Variants in ANO4 observed in about 807,000 individuals in gnomAD.
The protein encoded by ANO4 is anoctamin 4, also known as anoctamin-4.
Under a neutral mutation model 141.9 loss-of-function variants are expected in ANO4, and 69 were observed. The ratio of observed to expected loss-of-function variants is 0.49; its 90% confidence interval spans 0.40 to 0.59. The LOEUF is 0.59. ANO4 is among the 20% of genes least tolerant of loss of function. The probability of loss-of-function intolerance (pLI) is 0.00; values close to 1 mark genes in which losing one functional copy is unlikely to be tolerated. For synonymous variants in ANO4, 350 were observed against 394.3 expected, an observed-to-expected ratio of 0.89 and a Z score of 1.33; for missense variants, 894 against 1,162.2, an observed-to-expected ratio of 0.77 and a Z score of 3.36.
At chr12:101,065,850 C>A (rs777919425) in intron 14 of ANO4, among the ~76,000 whole-genome samples, 21 of 152,048 alleles carry the variant, frequency 1.4e-4, no homozygotes, top group Non-Finnish European at 2.6e-4. Flanking sequence ...AATATTGAAT[C>A]AAAAATCCTC....
At chr12:100,743,943 C>T (rs1345452179) in intron 3 of ANO4, among the ~76,000 whole-genome samples, 2 of 152,076 alleles carry the variant, frequency 1.3e-5, no homozygotes, top group Non-Finnish European at 2.9e-5. Flanking sequence ...TTTTGATAAC[C>T]AAGATTTGTA....
intron 8 of ANO4, among the ~76,000 whole-genome samples, chr12:100,988,330 G>A (rs1209351027): frequency 2.0e-5 from 3 of 152,038 alleles, no homozygotes; most frequent in Non-Finnish European, 4.4e-5. Context: ...ATGATGGCTG[G>A]ATGCAGGGCA....
At chr12:100,835,463 G>A (rs913931846) in intron 1 of ANO4, among the ~76,000 whole-genome samples, 1 of 152,004 alleles carries the variant, frequency 6.6e-6, no homozygotes, top group Non-Finnish European at 1.5e-5. Context: ...CTCTCTACTC[G>A]GTACTTTTTC....
At chr12:100,829,172 A>G (rs185423369) in intron 1 of ANO4, among the ~76,000 whole-genome samples, 45 of 152,218 alleles carry the variant, frequency 3.0e-4, no homozygotes, top group Admixed American at 1.8e-3. Context: ...ATATGTTATC[A>G]TATAAAGGAG....
At chr12:100,832,498 T>A (rs10860643) in intron 1 of ANO4, among the ~76,000 whole-genome samples, 96,508 of 151,902 alleles carry the variant, frequency 0.64, 31,390 homozygotes, top group African/African-American at 0.77. Flanking sequence ...AACCGATGAC[T>A]TTTGCTAGTT....
chr12:101,002,677 G>A lies in ANO4; in HGVS notation c.734+15007G>A, dbSNP rs191341579. ...CTTTATGAAACATCTTATGTCTCAT[G>A]TCTCATGCAGACAGCATTAGACTTC... is the stretch of plus-strand genomic sequence containing the variant. On this transcript the variant is annotated intron_variant, in intron 8 of 27. Coordinates refer to ENST00000392977, the MANE Select transcript of ANO4 (RefSeq NM_001286615.2). 4.3e-3 allele frequency among the ~76,000 whole-genome samples: 662 copies of A among 152,254 alleles called. 20 individuals carry two copies. The highest frequency in any genetic ancestry group is 0.039 in the Admixed American group (604 of 15,294).
At chr12:100,928,006 A>G (rs966146998) in intron 3 of ANO4, among the ~76,000 whole-genome samples, 4 of 152,052 alleles carry the variant, frequency 2.6e-5, no homozygotes, top group African/African-American at 9.7e-5. Flanking sequence ...CTGTGCCTAC[A>G]TTAGGGGTGG....
intron 1 of ANO4, among the ~76,000 whole-genome samples, chr12:100,723,724 TA>T (rs1486798014): frequency 6.6e-6 from 1 of 152,214 alleles, no homozygotes; most frequent in African/African-American, 2.4e-5. Context: ...GAACCTTTTA[TA>T]AACAATTTAG....
In ANO4 at chr12:101,118,283, C is replaced by T. The variant is rs2050937711; in HGVS notation, c.2570+1485C>T. On this transcript the variant is annotated intron_variant, in intron 25 of 27. Coordinates refer to ENST00000392977, the MANE Select transcript of ANO4 (RefSeq NM_001286615.2). Reference sequence around the variant, plus strand: ...AAGATAAAAATACAGAGTCTTTCTCCTCTTCTGCTTCCTGGCTCATAATTC... The same window carrying T: ...AAGATAAAAATACAGAGTCTTTCTCTTCTTCTGCTTCCTGGCTCATAATTC... Among the ~76,000 whole-genome samples the T allele has an allele frequency of 4.6e-5, 7 of 152,158 alleles. 1 individual carries two copies. The South Asian group carries it at 1.2e-3, about 27-fold the overall frequency.
intron 1 of ANO4, among the ~76,000 whole-genome samples, chr12:100,872,426 A>G (rs747169799): frequency 6.6e-6 from 1 of 152,170 alleles, no homozygotes; most frequent in Admixed American, 6.5e-5. Context: ...ATTCTCATAT[A>G]CCAAGTGTGG....
intron 9 of ANO4, among the ~76,000 whole-genome samples, chr12:101,036,819 A>G (rs1241285675): frequency 3.3e-5 from 5 of 152,236 alleles, no homozygotes; most frequent in Admixed American, 6.5e-5. Flanking sequence ...TGTGGTAATC[A>G]TTACATAATG....
At chr12:101,014,891 G>A (rs2046250188) in intron 8 of ANO4, among the ~76,000 whole-genome samples, 1 of 152,034 alleles carries the variant, frequency 6.6e-6, no homozygotes, top group Non-Finnish European at 1.5e-5. Context: ...CTGGAGTGTT[G>A]TGTTCATAGC....
intron 1 of ANO4, among the ~76,000 whole-genome samples, chr12:100,732,862 T>G (rs1039924453): frequency 2.0e-5 from 3 of 152,230 alleles, no homozygotes; most frequent in Non-Finnish European, 4.4e-5. Flanking sequence ...GTGAAAATGC[T>G]GATATGCAAT....
chr12:101,099,881 A>G (rs1413948733), intron 22 of ANO4, among the ~76,000 whole-genome samples, 161 bp downstream of exon 22: 2 of 152,184 alleles, frequency 1.3e-5, no homozygotes, highest in African/African-American at 2.4e-5. Flanking sequence ...CTACACTTAC[A>G]TTTAAGGAAT....
intron 8 of ANO4, among the ~76,000 whole-genome samples, chr12:101,002,982 C>T (rs979445882): frequency 7.2e-5 from 11 of 152,208 alleles, no homozygotes; most frequent in African/African-American, 2.2e-4. Context: ...TTTCTTTCCT[C>T]TTCCTATGTT....
intron 1 of ANO4, among the ~76,000 whole-genome samples, chr12:100,856,854 GGCTTGATTTTTTTAGGGCT>G (rs1314986480): frequency 7.2e-5 from 11 of 152,074 alleles, no homozygotes; most frequent in African/African-American, 2.7e-4. Context: ...AAGTAGTATG[GGCTTGATTTTTTTAGGGCT>G]GCTGAGGATC....
chr12:100,928,724 C>G (rs975954424), intron 3 of ANO4, among the ~76,000 whole-genome samples: 1 of 152,118 alleles, frequency 6.6e-6, no homozygotes, highest in Non-Finnish European at 1.5e-5. Flanking sequence ...AAATGTCATT[C>G]CCAGGGCTGT....
intron 9 of ANO4, among the ~76,000 whole-genome samples, chr12:101,021,986 T>C (rs918377484): frequency 6.6e-6 from 1 of 150,420 alleles, no homozygotes; most frequent in Non-Finnish European, 1.5e-5. Flanking sequence ...AGGAACAGAT[T>C]TGAGAGTTGA....
intron 1 of ANO4, among the ~76,000 whole-genome samples, chr12:100,844,990 CA>C (rs1271764061): frequency 6.6e-6 from 1 of 152,044 alleles, no homozygotes; most frequent in Non-Finnish European, 1.5e-5. Context: ...GAAAACCAGG[CA>C]GATATTTTAT....
Sources: gnomAD v4.1 joint callset for allele counts (sites outside exome capture counted in the v4.1 genomes callset) on GRCh38, gnomAD v4.1.1 for gene constraint, MANE v1.5 for transcripts, NCBI Gene and HGNC (gene_info 2026-07-23, HGNC 2026-07-21) for gene names.